The following GULP1 variants were observed in gnomAD, a reference collection of about 807,000 sequenced individuals.
GULP1 encodes GULP PTB domain containing engulfment adaptor 1.
Under a neutral mutation model 40.9 loss-of-function variants are expected in GULP1, and 19 were observed. The observed-to-expected ratio is 0.46, with a 90% CI of 0.32 to 0.68. GULP1 has a LOEUF of 0.68. GULP1 is among the 30% of genes least tolerant of loss of function. GULP1 has a pLI of 0.03. For missense variants in GULP1, 312 were observed against 362.2 expected (o/e 0.86, Z 1.12); for synonymous variants, 119 against 117.6 (o/e 1.01, Z -0.08).
At chr2:188,411,817 G>A (rs559432938) in intron 2 of GULP1, among the ~76,000 whole-genome samples, 17 of 152,272 alleles carry the variant, frequency 1.1e-4, no homozygotes, top group Non-Finnish European at 2.1e-4. Flanking sequence ...TGCACTGCTC[G>A]AAATTCTGCC....
chr2:188,322,186 A>G (rs2040084835), intron 1 of GULP1, among the ~76,000 whole-genome samples: 2 of 152,142 alleles, frequency 1.3e-5, no homozygotes, highest in Non-Finnish European at 2.9e-5. Flanking sequence ...ATCATCAACA[A>G]CATGATCAAA....
At chr2:188,415,519 A>AAG (rs1219283246) in intron 2 of GULP1, among the ~76,000 whole-genome samples, 1 of 151,914 alleles carries the variant, frequency 6.6e-6, no homozygotes, top group East Asian at 1.9e-4. Context: ...AAAAAAAAAA[A>AAG]GTAAGTTTGG....
intron 5 of GULP1, among the ~76,000 whole-genome samples, chr2:188,523,715 TG>T (rs1465510642): frequency 6.6e-6 from 1 of 152,166 alleles, no homozygotes; most frequent in Non-Finnish European, 1.5e-5. Context: ...AGACATTAAA[TG>T]GTATTACTTT....
At chr2:188,477,904 C>A (rs1169854349) in intron 3 of GULP1, among the ~76,000 whole-genome samples, 174 bp downstream of exon 3, 3 of 152,080 alleles carry the variant, frequency 2.0e-5, no homozygotes, top group Non-Finnish European at 4.4e-5. Flanking sequence ...TTAGTTATCA[C>A]CCTAGTGAAA....
intron 1 of GULP1, among the ~76,000 whole-genome samples, chr2:188,356,748 G>C (rs1030440047): frequency 1.3e-5 from 2 of 151,988 alleles, no homozygotes; most frequent in African/African-American, 4.8e-5. Context: ...TAAGCAAAAA[G>C]AACAAAGCCA....
chr2:188,469,492 A>G (rs1322415748), intron 2 of GULP1, among the ~76,000 whole-genome samples: 6 of 152,282 alleles, frequency 3.9e-5, no homozygotes, highest in Non-Finnish European at 2.9e-5. Flanking sequence ...TACAGGAAGC[A>G]TAGTGGTTTC....
intron 7 of GULP1, among the ~76,000 whole-genome samples, chr2:188,542,297 C>T (rs1256593633): frequency 6.6e-6 from 1 of 152,030 alleles, no homozygotes; most frequent in Non-Finnish European, 1.5e-5. Context: ...AACAATTCAT[C>T]TGTTTGCTAA....
intron 2 of GULP1, among the ~76,000 whole-genome samples, chr2:188,458,761 G>A (rs1351458264): frequency 6.6e-6 from 1 of 151,856 alleles, no homozygotes; most frequent in Admixed American, 6.6e-5. Flanking sequence ...CTATCAAATG[G>A]TAGGTCTTAT....
rs186299451 is a variant in GULP1, at chr2:188,526,036, T to G, written c.163-3061T>G. 4.6e-3 allele frequency among the ~76,000 whole-genome samples: 698 copies of G among 152,306 alleles called. 8 individuals are homozygous for G. The highest frequency in any genetic ancestry group is 0.016 in the African/African-American group (670 of 41,570). ...TAATTTTATTGCCTAACACTCTATATTCCATTAGTAGTTTACTTAATTTCA... is the reference window on the plus strand; with the variant it reads ...TAATTTTATTGCCTAACACTCTATAGTCCATTAGTAGTTTACTTAATTTCA... On this transcript the variant is annotated intron_variant, in intron 5 of 11. Coordinates refer to ENST00000409830, the MANE Select transcript of GULP1 (RefSeq NM_016315.4).
intron 2 of GULP1, among the ~76,000 whole-genome samples, chr2:188,460,326 C>T (rs984335476): frequency 1.3e-4 from 20 of 151,690 alleles, no homozygotes; most frequent in African/African-American, 4.1e-4. Flanking sequence ...TTTTCTCATT[C>T]GCATTTTATA....
At chr2:188,327,180 A>G (rs2040867659) in intron 1 of GULP1, among the ~76,000 whole-genome samples, 1 of 152,190 alleles carries the variant, frequency 6.6e-6, no homozygotes, top group South Asian at 2.1e-4. Context: ...TTACAAATGC[A>G]CATGTGAAGG....
At chr2:188,359,791 T>C (rs138153527) in intron 1 of GULP1, among the ~76,000 whole-genome samples, 5 of 152,258 alleles carry the variant, frequency 3.3e-5, no homozygotes, top group Non-Finnish European at 7.4e-5. Flanking sequence ...ACTTTGCTTT[T>C]TCATGTGACA....
chr2:188,325,939 A>G lies in GULP1; in HGVS notation c.-172+33773A>G, dbSNP rs1003940891. Among the ~76,000 whole-genome samples, 5 of 152,268 alleles carry G rather than the reference A, an allele frequency of 3.3e-5. No homozygotes were observed. In the East Asian group the frequency reaches 9.7e-4, roughly 29 times the overall value. ...TCATTTAGTTATTATTCTTGTACGCATTGTTGCAAGTGATAGAACAATGTA... is the reference window on the plus strand; with the variant it reads ...TCATTTAGTTATTATTCTTGTACGCGTTGTTGCAAGTGATAGAACAATGTA... On this transcript the variant is annotated intron_variant, in intron 1 of 11. Transcript: ENST00000409830.
chr2:188,315,061 T>C (rs1253535115), intron 1 of GULP1, among the ~76,000 whole-genome samples: 2 of 152,216 alleles, frequency 1.3e-5, no homozygotes, highest in East Asian at 3.9e-4. Context: ...AATGCTTACT[T>C]TAAGTGAAAA....
intron 1 of GULP1, among the ~76,000 whole-genome samples, chr2:188,319,572 G>A (rs1438392183): frequency 6.6e-6 from 1 of 152,084 alleles, no homozygotes; most frequent in Non-Finnish European, 1.5e-5. Context: ...CATCTCATAG[G>A]AATGGGAAAC....
intron 11 of GULP1, chr2:188,591,413 A>T (rs1703532407): frequency 6.6e-6 from 1 of 152,038 alleles, no homozygotes; most frequent in Admixed American, 6.6e-5. Flanking sequence ...TTGATATCAA[A>T]ACTTTAAAGC....
At chr2:188,438,128 G>C (rs1268516153) in intron 2 of GULP1, among the ~76,000 whole-genome samples, 1 of 151,980 alleles carries the variant, frequency 6.6e-6, no homozygotes, top group African/African-American at 2.4e-5. Context: ...GCAGTGATGG[G>C]AGTTCTAATA....
rs147222438 is a variant in GULP1, at chr2:188,473,155, T to TTCTCTCTC, written c.-44-4488_-44-4481dup. On this transcript the variant is annotated intron_variant, in intron 2 of 11. Coordinates refer to ENST00000409830, the MANE Select transcript of GULP1 (RefSeq NM_016315.4). ...TCTTTCAAACAAATGGGGTCTCTCT[T>TTCTCTCTC]TCTCTCTCTCTCTCTCTCTCTCTGT... Among the ~76,000 whole-genome samples the TTCTCTCTC allele has an allele frequency of 3.3e-5, 4 of 120,916 alleles. No individual in the cohort carries two copies. The South Asian group carries it at 6.6e-4, about 20-fold the overall frequency. 79.3% of individuals were successfully genotyped at this position (120,916 alleles called of 152,430 possible).
intron 7 of GULP1, among the ~76,000 whole-genome samples, chr2:188,556,643 C>T (rs768617308): frequency 2.6e-5 from 4 of 151,912 alleles, no homozygotes; most frequent in Admixed American, 6.6e-5. Context: ...TTTCCTGTGT[C>T]CTTATGTTGA....
Sources: gnomAD v4.1 joint callset for allele counts (sites outside exome capture counted in the v4.1 genomes callset) on GRCh38, gnomAD v4.1.1 for gene constraint, MANE v1.5 for transcripts, NCBI Gene and HGNC (gene_info 2026-07-23, HGNC 2026-07-21) for gene names.